Variants in PPP5C observed in about 807,000 individuals in gnomAD.
The protein encoded by PPP5C is serine/threonine-protein phosphatase 5.
PPP5C carries 21 observed loss-of-function variants against 66.7 expected under a neutral mutation model. The ratio of observed to expected loss-of-function variants is 0.31; its 90% CI spans 0.22 to 0.45. The LOEUF (loss-of-function observed/expected upper bound fraction) is 0.45. PPP5C is among the 20% of genes least tolerant of loss of function. The probability of loss-of-function intolerance (pLI) is 1.00; values close to 1 mark genes in which losing one functional copy is unlikely to be tolerated. For missense variants in PPP5C, 464 were observed against 675.9 expected (o/e 0.69, Z 3.48); for synonymous variants, 246 against 257.4 (o/e 0.96, Z 0.43).
intron 2 of PPP5C, among the ~76,000 whole-genome samples, chr19:46,354,725 A>C (rs935617868): frequency 6.6e-6 from 1 of 151,982 alleles, no homozygotes; most frequent in Non-Finnish European, 1.5e-5. Flanking sequence ...TGAGCTCAGG[A>C]GCTCAAGGCC....
At chr19:46,369,349 G>A (rs1972543471) in intron 2 of PPP5C, among the ~76,000 whole-genome samples, 1 of 152,206 alleles carries the variant, frequency 6.6e-6, no homozygotes, top group Non-Finnish European at 1.5e-5. Context: ...CGTAGAAAAG[G>A]GATGGTAAAG....
At chr19:46,389,947 C>T in intron 11 of PPP5C, 104 bp from the exon 12 acceptor site, 2 of 939,994 alleles carry the variant, frequency 2.1e-6, no homozygotes, top group Non-Finnish European at 3.4e-6. Flanking sequence ...GTGGCTCTGT[C>T]CCTCCCTCTC....
chr19:46,388,324 CCTGGCCGGGCCAGGAGG>C lies in PPP5C; in HGVS notation c.1136-83_1136-67del, dbSNP rs1258913478. On this transcript the variant is annotated intron_variant, in intron 9 of 12. Transcript: ENST00000012443. This position sits in a 1 kb window ranked among gnomAD's most constrained non-coding sequence, Gnocchi z 4.9. ...CCCAGGCTGGGCTGTGGGGTCAGCA[CCTGGCCGGGCCAGGAGG>C]TGGCCTGTGAGTGACCACCCCCGGG... The C allele has an allele frequency of 6.9e-7, 1 of 1,448,872 alleles. No homozygotes were observed. The highest frequency in any genetic ancestry group is 1.4e-5 in the African/African-American group (1 of 70,858). 89.8% of individuals were successfully genotyped at this position (1,448,872 alleles called of 1,614,324 possible).
chr19:46,389,191 GCA>G (rs1972946903), intron 11 of PPP5C, among the ~76,000 whole-genome samples: 1 of 151,680 alleles, frequency 6.6e-6, no homozygotes, highest in Non-Finnish European at 1.5e-5. Flanking sequence ...GGGCGTGGTG[GCA>G]CACACCCGTA....
At chr19:46,373,674 G>GC (rs1310932392) in intron 2 of PPP5C, among the ~76,000 whole-genome samples, 1 of 151,960 alleles carries the variant, frequency 6.6e-6, no homozygotes, top group Non-Finnish European at 1.5e-5. Flanking sequence ...TTCATTGACT[G>GC]CTGCACGCAC....
Position 46,390,616 on chromosome 19 carries a change from C to A in PPP5C, c.*270C>A. 8.0e-7 allele frequency: 1 copy of A among 1,252,448 alleles called. No homozygotes were observed. 77.6% of individuals were successfully genotyped at this position (1,252,448 alleles called of 1,614,324 possible). Reference sequence around the variant, plus strand: ...GGGCATTCTGTGGGGAGGCCGTCCTCGGGGTGGGGTGGGGCCGAGTGGCTG... The same window carrying A: ...GGGCATTCTGTGGGGAGGCCGTCCTAGGGGTGGGGTGGGGCCGAGTGGCTG... On this transcript the variant is annotated 3_prime_UTR_variant, in exon 13 of 13. Transcript: ENST00000012443.
chr19:46,352,677 G>A (rs908244787), intron 1 of PPP5C, among the ~76,000 whole-genome samples: 3 of 152,152 alleles, frequency 2.0e-5, no homozygotes, highest in Non-Finnish European at 4.4e-5. Context: ...AAAATTAGCC[G>A]GGTATAGTGG....
At chr19:46,357,717 C>T (rs1335579141) in intron 2 of PPP5C, among the ~76,000 whole-genome samples, 2 of 152,208 alleles carry the variant, frequency 1.3e-5, no homozygotes, top group Non-Finnish European at 2.9e-5. Context: ...CATTTACCAG[C>T]TTATTATAAA....
In PPP5C at chr19:46,381,229, CTG is replaced by C. The variant is rs56747983; in HGVS notation, c.634-2178_634-2177del. On this transcript the variant is annotated intron_variant, in intron 4 of 12. Coordinates refer to ENST00000012443, the MANE Select transcript of PPP5C (RefSeq NM_006247.4). ...GTTTTTTTTAATAGACTTTTCATCTCTGTGTCTCATGTGTTCATGCATGTTGT... is the reference window on the plus strand; with the variant it reads ...GTTTTTTTTAATAGACTTTTCATCTCTGTCTCATGTGTTCATGCATGTTGT... Among the ~76,000 whole-genome samples the C allele has an allele frequency of 3.9e-3, 594 of 152,186 alleles. 3 individuals are homozygous for C. Among genetic ancestry groups the C allele is most frequent in the African/African-American group, 0.013 (553 of 41,506 alleles).
At chr19:46,380,699 A>G (rs1972775515) in intron 4 of PPP5C, among the ~76,000 whole-genome samples, 1 of 152,170 alleles carries the variant, frequency 6.6e-6, no homozygotes, top group South Asian at 2.1e-4. Context: ...TTCTAGGTTG[A>G]CATTGTTTCT....
chr19:46,390,430 G>GC lies in PPP5C; in HGVS notation c.*88dup. ...CTGGGCTAGGGGCAGAGCAGGCCCC[G>GC]CCCCAGGGCAATGTTGGACCCCCTT... On this transcript the variant is annotated 3_prime_UTR_variant, in exon 13 of 13. Coordinates refer to ENST00000012443, the MANE Select transcript of PPP5C (RefSeq NM_006247.4). 1.9e-6 allele frequency: 3 copies of GC among 1,541,384 alleles called. No homozygotes were observed. Among genetic ancestry groups the GC allele is most frequent in the South Asian group, 2.4e-5 (2 of 83,704 alleles).
chr19:46,361,303 G>A (rs2147370955), intron 2 of PPP5C, among the ~76,000 whole-genome samples: 1 of 150,606 alleles, frequency 6.6e-6, no homozygotes, highest in East Asian at 2.0e-4. Context: ...CGTATTTTTT[G>A]TATTTTTATG....
At chr19:46,363,529 A>G (rs1429718917) in intron 2 of PPP5C, among the ~76,000 whole-genome samples, 1 of 151,100 alleles carries the variant, frequency 6.6e-6, no homozygotes, top group Non-Finnish European at 1.5e-5. Flanking sequence ...TCCCAGTTTC[A>G]AGCGATTCTC....
rs571000092 is a variant in PPP5C, at chr19:46,387,224, G to A, written c.1036G>A (p.Gly346Ser). 3.3e-5 allele frequency: 54 copies of A among 1,614,216 alleles called. No individual in the cohort carries two copies. Among genetic ancestry groups the A allele is most frequent in the African/African-American group, 6.7e-5 (5 of 75,064 alleles). ...GCTCCCGTTGGCCCAGTGCATCAAC[G>A]GCAAAGTGCTGGTGAGGACGGCGCG... ...EWLPLAQCIN[G>S]KVLIMHGGLF... The change falls in exon 8 of 13, where the codon GGC becomes AGC. Residue 346 changes from glycine (G) to serine (S), a missense_variant. Physicochemically the swap from Gly to Ser is moderately conservative, Grantham distance 56. Coordinates refer to ENST00000012443, the MANE Select transcript of PPP5C (RefSeq NM_006247.4).
intron 2 of PPP5C, among the ~76,000 whole-genome samples, chr19:46,361,375 C>T (rs1356773367): frequency 4.7e-5 from 7 of 148,768 alleles, no homozygotes; most frequent in African/African-American, 7.4e-5. Context: ...ATGATCCGCC[C>T]GCCTCGGCCT....
At chr19:46,372,008 G>A (rs543513596) in intron 2 of PPP5C, among the ~76,000 whole-genome samples, 3 of 152,256 alleles carry the variant, frequency 2.0e-5, no homozygotes, top group Admixed American at 6.5e-5. Context: ...TGGGCAGCTC[G>A]TTCAGTGGCA....
At position 46,390,308 on chromosome 19, in the gene PPP5C, G is replaced by A. The variant is rs890283050; in HGVS notation, c.1462G>A (p.Ala488Thr). ...GCCTCATCCCAACGTCAAGCCCATG[G>A]CCTATGCCAACACGCTGCTGCAGCT... ...AVPHPNVKPM[A>T]YANTLLQLGM... Residue 488 changes from alanine to threonine, a missense_variant, in exon 13 of 13, where the codon GCC becomes ACC. Around this residue, in one of 2 missense-constraint regions of PPP5C, gnomAD observed 387 missense variants for 626.0 expected, o/e 0.62. Coordinates refer to ENST00000012443, the MANE Select transcript of PPP5C (RefSeq NM_006247.4). 3.8e-6 allele frequency: 6 copies of A among 1,589,190 alleles called. No homozygotes were observed. The East Asian group carries it at 1.4e-4, about 36-fold the overall frequency.
At position 46,369,064 on chromosome 19, in the gene PPP5C, T is replaced by A. The variant is rs571517834; in HGVS notation, c.364-6540T>A. ...AAGACAGTGTGGAGTGAGGCAATTC[T>A]CCTAATAAACACCCTCTCATATATA... On this transcript the variant is annotated intron_variant, in intron 2 of 12. Transcript: ENST00000012443. Among the ~76,000 whole-genome samples, 3 of 152,338 alleles carry A rather than the reference T, an allele frequency of 2.0e-5. No homozygotes were observed. In the East Asian group the frequency reaches 5.8e-4, roughly 29 times the overall value.
intron 2 of PPP5C, among the ~76,000 whole-genome samples, chr19:46,363,014 C>T (rs1340023699): frequency 1.3e-5 from 2 of 150,984 alleles, no homozygotes; most frequent in African/African-American, 2.4e-5. Context: ...GTCTCGATCT[C>T]CTGACCTCGT....
Sources: allele counts gnomAD v4.1 joint callset (sites outside exome capture counted in the v4.1 genomes callset), GRCh38; gene constraint gnomAD v4.1.1; regional missense constraint gnomAD v4.1.1; non-coding constraint Gnocchi (gnomAD v3.1); transcripts MANE v1.5; gene names NCBI Gene and HGNC (gene_info 2026-07-23, HGNC 2026-07-21).